Variants in KIFAP3 observed in about 807,000 individuals in gnomAD.
KIFAP3 encodes the protein kinesin-associated protein 3.
KIFAP3 carries 68 observed loss-of-function variants against 106.5 expected under a neutral mutation model. The observed-to-expected ratio is 0.64, with a 90% CI of 0.53 to 0.78. The LOEUF (loss-of-function observed/expected upper bound fraction) is 0.78. KIFAP3 is among the 30% of genes least tolerant of loss of function. The pLI is 0.00. For synonymous variants in KIFAP3, 320 were observed against 311.5 expected, an observed-to-expected ratio of 1.03 and a Z score of -0.29; for missense variants, 780 against 941.8, an observed-to-expected ratio of 0.83 and a Z score of 2.25.
chr1:170,081,621 G>T (rs1484784102), intron 1 of KIFAP3, among the ~76,000 whole-genome samples: 1 of 152,152 alleles, frequency 6.6e-6, no homozygotes, highest in East Asian at 1.9e-4. Context: ...AGTGGCCCAA[G>T]TTCTTTTCAT....
chr1:169,964,584 T>C (rs1006360932), intron 17 of KIFAP3, among the ~76,000 whole-genome samples: 5 of 152,186 alleles, frequency 3.3e-5, no homozygotes, highest in African/African-American at 1.2e-4. Context: ...GTCTGGTAAG[T>C]ATATTAATAT....
intron 9 of KIFAP3, among the ~76,000 whole-genome samples, chr1:170,018,535 T>C (rs764261254): frequency 8.6e-5 from 13 of 151,440 alleles, no homozygotes; most frequent in Non-Finnish European, 1.6e-4. Context: ...TTATGATTTT[T>C]CAATCAAAGG....
chr1:170,058,706 C>A (rs2102133370), intron 1 of KIFAP3, among the ~76,000 whole-genome samples: 1 of 151,980 alleles, frequency 6.6e-6, no homozygotes, highest in South Asian at 2.1e-4. Context: ...TAAACTGGGA[C>A]AAATGCTAAA....
At chr1:169,971,752 C>A (rs1480576183) in intron 17 of KIFAP3, among the ~76,000 whole-genome samples, 1 of 151,986 alleles carries the variant, frequency 6.6e-6, no homozygotes, top group Non-Finnish European at 1.5e-5. Context: ...TTTAAAACTA[C>A]TGAGTAGGCT....
chr1:170,033,403 T>G (rs958554428), intron 7 of KIFAP3, among the ~76,000 whole-genome samples: 1 of 151,702 alleles, frequency 6.6e-6, no homozygotes, highest in African/African-American at 2.4e-5. Context: ...GTTAAAAATG[T>G]ATGATATTCT....
intron 19 of KIFAP3, among the ~76,000 whole-genome samples, chr1:169,937,660 T>C (rs987963313): frequency 1.1e-4 from 16 of 151,866 alleles, no homozygotes; most frequent in African/African-American, 3.9e-4. Flanking sequence ...GATATAACTT[T>C]AAGATACAAG....
intron 17 of KIFAP3, among the ~76,000 whole-genome samples, chr1:169,970,623 T>C (rs1027572170): frequency 3.3e-5 from 5 of 152,054 alleles, no homozygotes; most frequent in Non-Finnish European, 7.4e-5. Flanking sequence ...TTTATTATTA[T>C]AGAATACAGT....
At chr1:169,971,938 T>C (rs1665945482) in intron 17 of KIFAP3, among the ~76,000 whole-genome samples, 2 of 151,978 alleles carry the variant, frequency 1.3e-5, no homozygotes, top group South Asian at 2.1e-4. Context: ...GCAAAATTAC[T>C]GGCAATAAGT....
At chr1:170,069,677 G>A (rs1047599254) in intron 1 of KIFAP3, among the ~76,000 whole-genome samples, 1 of 151,958 alleles carries the variant, frequency 6.6e-6, no homozygotes, top group Non-Finnish European at 1.5e-5. Flanking sequence ...ACATAATAAA[G>A]GGCATATATG....
At chr1:169,971,301 T>C (rs1212862451) in intron 17 of KIFAP3, among the ~76,000 whole-genome samples, 1 of 152,032 alleles carries the variant, frequency 6.6e-6, no homozygotes, top group Non-Finnish European at 1.5e-5. Context: ...TTATACTATA[T>C]ACTTTATATG....
upstream of KIFAP3, among the ~76,000 whole-genome samples, chr1:170,077,971 T>C (rs1671951574): frequency 6.6e-6 from 1 of 152,198 alleles, no homozygotes; most frequent in Non-Finnish European, 1.5e-5. Flanking sequence ...TTTGAGTTGC[T>C]TCTAGCTTTT....
At chr1:169,952,482 C>T (rs530290817) in intron 19 of KIFAP3, among the ~76,000 whole-genome samples, 40 of 152,006 alleles carry the variant, frequency 2.6e-4, no homozygotes, top group African/African-American at 9.2e-4. Context: ...TAGGTAGATA[C>T]ATGTATATAA....
intron 11 of KIFAP3, among the ~76,000 whole-genome samples, chr1:169,991,422 CA>C (rs1223211281): frequency 6.6e-6 from 1 of 150,842 alleles, no homozygotes; most frequent in Non-Finnish European, 1.5e-5. Flanking sequence ...GGATAATAAA[CA>C]CAGGAAAAAA....
intron 3 of KIFAP3, among the ~76,000 whole-genome samples, chr1:170,043,380 T>C (rs1670082800): frequency 6.6e-6 from 1 of 152,134 alleles, no homozygotes; most frequent in South Asian, 2.1e-4. Context: ...ATGAACTGGA[T>C]AAAAGCCACT....
intron 1 of KIFAP3, among the ~76,000 whole-genome samples, chr1:170,080,948 T>G (rs1672009881): frequency 6.6e-6 from 1 of 152,210 alleles, no homozygotes; most frequent in African/African-American, 2.4e-5. Context: ...TCTCTTCCAT[T>G]TTTAATAAAA....
chr1:170,001,907 C>T (rs1287159884), intron 10 of KIFAP3, among the ~76,000 whole-genome samples: 2 of 151,920 alleles, frequency 1.3e-5, no homozygotes, highest in Non-Finnish European at 2.9e-5. Context: ...CTTTATGATG[C>T]TGTTGGTAAA....
intron 3 of KIFAP3, among the ~76,000 whole-genome samples, chr1:170,044,377 G>A (rs911075024): frequency 6.6e-6 from 1 of 152,176 alleles, no homozygotes; most frequent in African/African-American, 2.4e-5. Flanking sequence ...AAGCTGGAGT[G>A]CTGGTAGGAA....
chr1:170,016,024 T>TA (rs961535918), intron 10 of KIFAP3, among the ~76,000 whole-genome samples: 16 of 152,052 alleles, frequency 1.1e-4, no homozygotes, highest in African/African-American at 2.7e-4. Context: ...CTATCTCTAT[T>TA]AAAAAAAATA....
intron 19 of KIFAP3, among the ~76,000 whole-genome samples, chr1:169,949,441 AT>A (rs1165869582): frequency 3.3e-5 from 5 of 152,034 alleles, no homozygotes; most frequent in East Asian, 1.9e-4. Context: ...AGTCTCTGCA[AT>A]TTTTTTTCCA....
Sources: allele counts gnomAD v4.1 joint callset (sites outside exome capture counted in the v4.1 genomes callset), GRCh38; gene constraint gnomAD v4.1.1; transcripts MANE v1.5; gene names NCBI Gene and HGNC (gene_info 2026-07-23, HGNC 2026-07-21).